Variants in NTM observed in about 807,000 individuals in gnomAD.
The protein encoded by NTM is IgLON family member 2.
Under a neutral mutation model 42.1 loss-of-function variants are expected in NTM, and 13 were observed. That is an observed-to-expected ratio of 0.31 (90% CI 0.20 to 0.49). The LOEUF is 0.49. Ranked by LOEUF, NTM falls within the 20% of genes least tolerant of loss-of-function variation. NTM has a pLI of 0.99. For missense variants in NTM, 373 were observed against 452.8 expected (o/e 0.82, Z 1.60); for synonymous variants, 187 against 179.2 (o/e 1.04, Z -0.35).
chr11:131,389,218 C>T (rs925977790), intron 1 of NTM, among the ~76,000 whole-genome samples: 3 of 152,154 alleles, frequency 2.0e-5, no homozygotes, highest in African/African-American at 4.8e-5. Context: ...GGCTCCTGGG[C>T]AGGTTCCCTG....
intron 4 of NTM, among the ~76,000 whole-genome samples, chr11:132,298,480 G>T (rs1335724214): frequency 6.6e-6 from 1 of 152,074 alleles, no homozygotes; most frequent in Non-Finnish European, 1.5e-5. Context: ...GAGCTGACAG[G>T]CCTCCTGAGA....
intron 4 of NTM, among the ~76,000 whole-genome samples, chr11:132,286,056 C>T (rs1380538681): frequency 6.6e-6 from 1 of 152,196 alleles, no homozygotes; most frequent in Non-Finnish European, 1.5e-5. Flanking sequence ...TGGCTGCTGG[C>T]TGACATTTGA....
chr11:132,170,499 CAT>C (rs1184466226), intron 3 of NTM, among the ~76,000 whole-genome samples: 16 of 152,272 alleles, frequency 1.1e-4, no homozygotes, highest in Non-Finnish European at 1.5e-5. Flanking sequence ...TTTATAACCA[CAT>C]AGGATAAGCT....
intron 1 of NTM, among the ~76,000 whole-genome samples, chr11:131,440,520 G>A (rs895372824): frequency 6.6e-6 from 1 of 151,918 alleles, no homozygotes; most frequent in African/African-American, 2.4e-5. Context: ...AGAATCCCTG[G>A]GGAGCCTGGG....
In NTM at chr11:131,789,523, A is replaced by G. The variant is rs1166344239; in HGVS notation, c.83-122041A>G. 8.0e-5 allele frequency among the ~76,000 whole-genome samples: 2 copies of G among 24,902 alleles called. 1 individual carries two copies. The highest frequency in any genetic ancestry group is 4.8e-4 in the African/African-American group (2 of 4,196). 16.3% of individuals were successfully genotyped at this position (24,902 alleles called of 152,430 possible). Reference sequence around the variant, plus strand: ...AAGAAGAAGAAGAAGAAGAAGAAGAAGAAGAAGAAGAAGAAGAAGAAGAAA... The same window carrying G: ...AAGAAGAAGAAGAAGAAGAAGAAGAGGAAGAAGAAGAAGAAGAAGAAGAAA... On this transcript the variant is annotated intron_variant, in intron 1 of 8. Coordinates refer to ENST00000683400, the MANE Select transcript of NTM (RefSeq NM_001352005.2).
At chr11:131,860,017 T>A (rs2046468067) in intron 1 of NTM, among the ~76,000 whole-genome samples, 1 of 152,188 alleles carries the variant, frequency 6.6e-6, no homozygotes, top group Non-Finnish European at 1.5e-5. Context: ...GTAACTCTGA[T>A]ATCTATTAGA....
intron 2 of NTM, among the ~76,000 whole-genome samples, chr11:132,088,634 C>T (rs2060031413): frequency 6.6e-6 from 1 of 152,194 alleles, no homozygotes. Context: ...GTGGCTCTAC[C>T]CAATTCCTCC....
intron 1 of NTM, chr11:131,911,300 T>C (rs1019647644): frequency 7.0e-7 from 1 of 1,435,136 alleles, no homozygotes; most frequent in East Asian, 2.5e-5. Flanking sequence ...GAGGCTGGAT[T>C]TGGGGGAGGA....
intron 1 of NTM, among the ~76,000 whole-genome samples, chr11:131,409,566 C>CA (rs1946152779): frequency 6.6e-6 from 1 of 152,192 alleles, no homozygotes; most frequent in Admixed American, 6.5e-5. Flanking sequence ...CTGGGAGAGG[C>CA]ACAAGGGGCC....
intron 1 of NTM, among the ~76,000 whole-genome samples, chr11:131,523,554 C>T (rs1449003172): frequency 2.0e-5 from 3 of 151,928 alleles, no homozygotes; most frequent in South Asian, 2.1e-4. Context: ...TTTGGGAGGC[C>T]GAAGTGGGCA....
intron 3 of NTM, among the ~76,000 whole-genome samples, chr11:132,186,869 T>C (rs921102955): frequency 7.9e-5 from 12 of 152,216 alleles, no homozygotes; most frequent in Non-Finnish European, 1.8e-4. Context: ...CCGAGCCCCC[T>C]GTGGGGATCC....
intron 2 of NTM, among the ~76,000 whole-genome samples, chr11:131,976,116 A>ACTCCTTCC (rs1555201516): frequency 1.6e-5 from 2 of 123,770 alleles, no homozygotes; most frequent in East Asian, 2.6e-4. Context: ...TCCCTCCCTC[A>ACTCCTTCC]TTCCTTCCTT....
chr11:132,147,175 T>TTGTGTGTGTG (rs751528769), intron 3 of NTM, among the ~76,000 whole-genome samples: 302 of 123,564 alleles, frequency 2.4e-3, no homozygotes, highest in South Asian at 3.3e-3. Context: ...CCTTGTATGT[T>TTGTGTGTGTG]TGTGTGTGTG....
At chr11:131,526,292 T>G (rs1243793364) in intron 1 of NTM, among the ~76,000 whole-genome samples, 2 of 152,208 alleles carry the variant, frequency 1.3e-5, no homozygotes, top group East Asian at 1.9e-4. Context: ...GGTTAAGTAT[T>G]TCTCTGCACC....
intron 1 of NTM, among the ~76,000 whole-genome samples, chr11:131,693,808 A>G (rs2135066398): frequency 6.6e-6 from 1 of 152,168 alleles, no homozygotes; most frequent in South Asian, 2.1e-4. Context: ...TCCCCTCTCC[A>G]CTGTCATTTC....
At chr11:131,372,799 T>TG (rs960305463) in intron 1 of NTM, among the ~76,000 whole-genome samples, 1 of 151,932 alleles carries the variant, frequency 6.6e-6, no homozygotes, top group Non-Finnish European at 1.5e-5. Flanking sequence ...CGTGATTTTT[T>TG]TTTTCATCAG....
At chr11:132,141,087 C>T (rs1363995148) in intron 2 of NTM, 1 of 152,172 alleles carries the variant, frequency 6.6e-6, no homozygotes, top group African/African-American at 2.4e-5. Flanking sequence ...TTAAGAAAGG[C>T]CAAGCCTGGA....
intron 1 of NTM, among the ~76,000 whole-genome samples, chr11:131,453,526 C>T (rs566800565): frequency 7.2e-5 from 10 of 139,686 alleles, no homozygotes; most frequent in South Asian, 2.3e-4. Flanking sequence ...ACAAGTACAA[C>T]GGAAAGACTT....
intron 1 of NTM, among the ~76,000 whole-genome samples, chr11:131,693,012 C>A (rs1472721786): frequency 6.6e-6 from 1 of 151,928 alleles, no homozygotes; most frequent in Non-Finnish European, 1.5e-5. Flanking sequence ...GTAGTAATGG[C>A]AGAGCAGGGA....
Sources: allele counts gnomAD v4.1 joint callset (sites outside exome capture counted in the v4.1 genomes callset), GRCh38; gene constraint gnomAD v4.1.1; transcripts MANE v1.5; gene names NCBI Gene and HGNC (gene_info 2026-07-23, HGNC 2026-07-21).